Variants in SLC26A7 observed in about 807,000 individuals in gnomAD.
SLC26A7 encodes the protein anion exchange transporter.
A neutral mutation model predicts 82.5 loss-of-function variants in SLC26A7; 59 were observed. The observed-to-expected ratio is 0.72, with a 90% confidence interval of 0.58 to 0.89. The LOEUF (loss-of-function observed/expected upper bound fraction) is 0.89, where lower values mean the gene tolerates loss of function less well. Ranked by LOEUF, SLC26A7 falls within the 40% of genes least tolerant of loss-of-function variation. The pLI is 0.00. For missense variants in SLC26A7, 820 were observed against 793.0 expected, an observed-to-expected ratio of 1.03 and a Z score of -0.41; for synonymous variants, 271 against 274.3, an observed-to-expected ratio of 0.99 and a Z score of 0.12.
At chr8:91,316,988 T>TAAAAGAAAAAAA (rs1812651390) in intron 4 of SLC26A7, among the ~76,000 whole-genome samples, 1 of 15,504 alleles carries the variant, frequency 6.4e-5, no homozygotes, top group Non-Finnish European at 1.5e-4. Flanking sequence ...ACCCTGTCTC[T>TAAAAGAAAAAAA]AAAAAAAAAA....
At chr8:91,213,251 T>C (rs1809968655) in intron 1 of SLC26A7, among the ~76,000 whole-genome samples, 1 of 152,154 alleles carries the variant, frequency 6.6e-6, no homozygotes, top group African/African-American at 2.4e-5. Flanking sequence ...TCTGTTCTTA[T>C]CACAGTCCAA....
intron 11 of SLC26A7, among the ~76,000 whole-genome samples, chr8:91,356,326 C>G (rs1813867275): frequency 6.6e-6 from 1 of 152,130 alleles, no homozygotes; most frequent in Non-Finnish European, 1.5e-5. Context: ...AATGGTTGAA[C>G]TAGTTTACAG....
intron 5 of SLC26A7, among the ~76,000 whole-genome samples, chr8:91,327,423 G>C (rs377731555): frequency 1.0e-3 from 155 of 152,238 alleles, no homozygotes; most frequent in African/African-American, 3.4e-3. Context: ...GATACAATGA[G>C]TAAAATAGTT....
chr8:91,366,584 C>T lies in SLC26A7; in HGVS notation c.1493C>T (p.Thr498Ile). 1 of 1,611,658 alleles carries T rather than the reference C, an allele frequency of 6.2e-7. No homozygotes were observed. The highest frequency in any genetic ancestry group is 8.5e-7 in the Non-Finnish European group (1 of 1,179,438). ...FKVKTEMDSE[T>I]LQQVKIISIN... ...TCTGTTTTTCTCCTCCAAAAGGAAACCCTGCAGCAGGTGAAAATTATCTCA... is the reference window on the plus strand; with the variant it reads ...TCTGTTTTTCTCCTCCAAAAGGAAATCCTGCAGCAGGTGAAAATTATCTCA... Residue 498 changes from threonine (T) to isoleucine (I), a missense_variant, in exon 14 of 19, where the codon ACC becomes ATC. Coordinates refer to ENST00000276609, the MANE Select transcript of SLC26A7 (RefSeq NM_052832.4).
chr8:91,284,584 A>G (rs1391299327), intron 2 of SLC26A7, among the ~76,000 whole-genome samples: 1 of 152,140 alleles, frequency 6.6e-6, no homozygotes, highest in African/African-American at 2.4e-5. Flanking sequence ...TTGAGTCCTG[A>G]GAATATTGCC....
chr8:91,351,181 G>A (rs945767321), intron 9 of SLC26A7, among the ~76,000 whole-genome samples: 3 of 152,054 alleles, frequency 2.0e-5, no homozygotes, highest in African/African-American at 7.2e-5. Flanking sequence ...ATGACTATAG[G>A]AGTCAGGTGA....
chr8:91,351,771 G>A (rs1318951076), intron 9 of SLC26A7, 39 bp from the exon 10 acceptor site: 1 of 1,424,438 alleles, frequency 7.0e-7, no homozygotes, highest in Non-Finnish European at 9.9e-7. Context: ...AAAAGTTCAA[G>A]GCTTTCTTTT....
chr8:91,284,717 A>G (rs559770859), intron 2 of SLC26A7, among the ~76,000 whole-genome samples: 1 of 152,356 alleles, frequency 6.6e-6, no homozygotes, highest in South Asian at 2.1e-4. Flanking sequence ...CTTTACATTT[A>G]GCAACATAAC....
intron 9 of SLC26A7, among the ~76,000 whole-genome samples, chr8:91,349,269 A>C (rs1374043217): frequency 6.6e-6 from 1 of 152,186 alleles, no homozygotes; most frequent in Non-Finnish European, 1.5e-5. Flanking sequence ...ATTTCATTAC[A>C]TGACTTACCA....
chr8:91,234,827 ACTTCCTTCCTTCCTTC>A (rs1315137017), intron 2 of SLC26A7, among the ~76,000 whole-genome samples: 6 of 92,494 alleles, frequency 6.5e-5, no homozygotes, highest in African/African-American at 1.8e-4. Context: ...CTACCTACCT[ACTTCCTTCCTTCCTTC>A]CTTCCTTCCT....
intron 6 of SLC26A7, among the ~76,000 whole-genome samples, chr8:91,335,188 C>A (rs1453334274): frequency 1.3e-5 from 2 of 152,016 alleles, no homozygotes; most frequent in Admixed American, 6.6e-5. Flanking sequence ...TAAATGTTGT[C>A]TAAATAACTT....
intron 15 of SLC26A7, among the ~76,000 whole-genome samples, chr8:91,371,058 TA>T (rs1311412052): frequency 1.3e-5 from 2 of 151,904 alleles, no homozygotes; most frequent in Non-Finnish European, 3.0e-5. Context: ...TCTATTACTT[TA>T]AACATATGCT....
intron 14 of SLC26A7, among the ~76,000 whole-genome samples, chr8:91,367,424 T>A (rs1814227518): frequency 6.6e-6 from 1 of 152,244 alleles, no homozygotes; most frequent in Admixed American, 6.5e-5. Flanking sequence ...AATTTTATTA[T>A]AATGTTCCAG....
intron 11 of SLC26A7, among the ~76,000 whole-genome samples, chr8:91,355,822 G>T (rs113972861): frequency 2.6e-5 from 4 of 151,584 alleles, no homozygotes; most frequent in African/African-American, 9.7e-5. Flanking sequence ...GGTGTGCTGC[G>T]CCCATTAACT....
intron 4 of SLC26A7, among the ~76,000 whole-genome samples, chr8:91,301,196 T>C (rs771906046): frequency 1.3e-5 from 2 of 152,202 alleles, no homozygotes; most frequent in Non-Finnish European, 2.9e-5. Context: ...GACTGTAGTT[T>C]TCTTTCTTGT....
At chr8:91,279,320 G>T (rs1811503020) in intron 2 of SLC26A7, among the ~76,000 whole-genome samples, 2 of 151,582 alleles carry the variant, frequency 1.3e-5, no homozygotes, top group African/African-American at 2.4e-5. Context: ...CCCAGTAGTG[G>T]AGTTGCTGAT....
intron 6 of SLC26A7, among the ~76,000 whole-genome samples, chr8:91,336,628 C>G (rs1247608296): frequency 1.3e-5 from 2 of 152,050 alleles, no homozygotes; most frequent in Non-Finnish European, 2.9e-5. Flanking sequence ...GGGTGCAATC[C>G]CCCCCTTGCC....
At chr8:91,308,419 C>T (rs532629049) in intron 4 of SLC26A7, among the ~76,000 whole-genome samples, 64 of 152,166 alleles carry the variant, frequency 4.2e-4, no homozygotes, top group Non-Finnish European at 7.8e-4. Flanking sequence ...ACCCTTTCAT[C>T]TTGTAAAACT....
At chr8:91,392,609 C>T (rs1210378457) in intron 16 of SLC26A7, among the ~76,000 whole-genome samples, 5 of 152,196 alleles carry the variant, frequency 3.3e-5, no homozygotes, top group African/African-American at 1.2e-4. Context: ...CACAAGGACT[C>T]TTCAGCCCTG....
Sources: allele counts gnomAD v4.1 joint callset (sites outside exome capture counted in the v4.1 genomes callset), GRCh38; gene constraint gnomAD v4.1.1; transcripts MANE v1.5; gene names NCBI Gene and HGNC (gene_info 2026-07-23, HGNC 2026-07-21).